The following SPRYD7 variants were observed in gnomAD, a reference collection of about 807,000 sequenced individuals.
SPRYD7 encodes SPRY domain-containing protein 7.
In SPRYD7, 14 loss-of-function variants were observed where a neutral mutation model predicts 23.8. That is an observed-to-expected ratio of 0.59 (90% confidence interval 0.39 to 0.92). The LOEUF is 0.92. SPRYD7 is among the 40% of genes least tolerant of loss of function. The pLI is 0.00. For synonymous variants in SPRYD7, 75 were observed against 84.9 expected (o/e 0.88, Z 0.64); for missense variants, 194 against 241.7 (o/e 0.80, Z 1.31).
intron 1 of SPRYD7, among the ~76,000 whole-genome samples, chr13:49,933,601 CAAAAAAAAAA>C (rs147055694): frequency 3.2e-5 from 3 of 94,604 alleles, no homozygotes; most frequent in Admixed American, 1.2e-4. Context: ...GATTCCCTCT[CAAAAAAAAAA>C]AAAAGAAAAA....
rs1431747390 is a variant in SPRYD7, at chr13:49,914,196, A to G, written c.*867T>C. Reference sequence around the variant, plus strand: ...ATGAAGAGGATTCACTTATCTCTGAACTGAAATAATCACGGGTGATGTGAA... The same window carrying G: ...ATGAAGAGGATTCACTTATCTCTGAGCTGAAATAATCACGGGTGATGTGAA... On this transcript the variant is annotated 3_prime_UTR_variant, in exon 5 of 5. Coordinates refer to ENST00000361840, the MANE Select transcript of SPRYD7 (RefSeq NM_020456.4). 4 of 153,796 alleles carry G rather than the reference A, an allele frequency of 2.6e-5. No individual in the cohort carries two copies. Among genetic ancestry groups the G allele is most frequent in the Non-Finnish European group, 5.9e-5 (4 of 68,052 alleles). The allele number at this position is 153,796 out of a possible 1,614,324, so 9.5% of individuals were successfully genotyped here.
chr13:49,932,589 C>T lies in SPRYD7; in HGVS notation c.107-1455G>A, dbSNP rs547361533. Among the ~76,000 whole-genome samples the T allele has an allele frequency of 5.3e-5, 8 of 152,326 alleles. No individual in the cohort carries two copies. The East Asian group carries it at 1.5e-3, about 29-fold the overall frequency. On this transcript the variant is annotated intron_variant, in intron 1 of 4. Coordinates refer to ENST00000361840, the MANE Select transcript of SPRYD7 (RefSeq NM_020456.4). ...ATACACCAATGCATAACTCCCCATACTTGTGGCCACTACCACCACTTTGCT... is the reference window on the plus strand; with the variant it reads ...ATACACCAATGCATAACTCCCCATATTTGTGGCCACTACCACCACTTTGCT...
intron 4 of SPRYD7, among the ~76,000 whole-genome samples, chr13:49,918,006 A>G (rs1467754395): frequency 6.6e-6 from 1 of 152,238 alleles, no homozygotes; most frequent in African/African-American, 2.4e-5. Flanking sequence ...TTATTGTATA[A>G]TTCTGACATC....
At chr13:49,930,628 A>T (rs1955937407) in intron 2 of SPRYD7, among the ~76,000 whole-genome samples, 1 of 152,172 alleles carries the variant, frequency 6.6e-6, no homozygotes, top group South Asian at 2.1e-4. Flanking sequence ...GATTGACTTT[A>T]ATCCTAAAAT....
At chr13:49,936,042 C>T (rs1335151571) in intron 1 of SPRYD7, 88 bp downstream of exon 1, 7 of 787,230 alleles carry the variant, frequency 8.9e-6, no homozygotes, top group African/African-American at 1.9e-5. Context: ...GGCGGGGCAG[C>T]GTGGGGACCC....
chr13:49,922,939 C>T (rs1481992643), intron 3 of SPRYD7, among the ~76,000 whole-genome samples: 3 of 152,014 alleles, frequency 2.0e-5, no homozygotes, highest in Non-Finnish European at 2.9e-5. Flanking sequence ...CTTAGCAAAG[C>T]CAGGGTTAAC....
intron 1 of SPRYD7, among the ~76,000 whole-genome samples, chr13:49,933,550 T>C (rs889459622): frequency 3.4e-5 from 5 of 146,354 alleles, no homozygotes; most frequent in African/African-American, 1.3e-4. Context: ...TGCAGTGAGC[T>C]GAGATCAGGC....
At chr13:49,927,375 A>G (rs888966047) in intron 3 of SPRYD7, among the ~76,000 whole-genome samples, 14 of 152,074 alleles carry the variant, frequency 9.2e-5, no homozygotes, top group African/African-American at 3.4e-4. Context: ...GTGCGCCTGT[A>G]ATCCTAGCTA....
intron 2 of SPRYD7, among the ~76,000 whole-genome samples, chr13:49,930,551 A>G (rs1185134866): frequency 6.6e-6 from 1 of 152,048 alleles, no homozygotes; most frequent in Non-Finnish European, 1.5e-5. Context: ...ACTGCACTCC[A>G]GCCTGGGTGA....
At chr13:49,918,403 C>CT (rs11436488) in intron 4 of SPRYD7, among the ~76,000 whole-genome samples, 133,451 of 143,238 alleles carry the variant, frequency 0.93, 62,431 homozygotes, top group Middle Eastern at 0.99. Flanking sequence ...TAAATTAGTT[C>CT]TTTTTTTTTT....
At chr13:49,917,520 A>G (rs1205529573) in intron 4 of SPRYD7, among the ~76,000 whole-genome samples, 1 of 152,158 alleles carries the variant, frequency 6.6e-6, no homozygotes, top group Non-Finnish European at 1.5e-5. Flanking sequence ...TTAGGGATGG[A>G]AGACAAAAGA....
Position 49,914,000 on chromosome 13 carries a change from T to C in SPRYD7, c.*1063A>G, listed in dbSNP as rs1310210038. ...CTTTCTAATTCTAACACTCATGTTTTCCTGAACAATGTACTGTTTCTAGTT... is the reference window on the plus strand; with the variant it reads ...CTTTCTAATTCTAACACTCATGTTTCCCTGAACAATGTACTGTTTCTAGTT... On this transcript the variant is annotated 3_prime_UTR_variant, in exon 5 of 5. Transcript: ENST00000361840. The C allele has an allele frequency of 6.5e-5, 10 of 153,310 alleles. No homozygotes were observed. Among genetic ancestry groups the C allele is most frequent in the Non-Finnish European group, 2.9e-5 (2 of 68,052 alleles). 9.5% of individuals were successfully genotyped at this position (153,310 alleles called of 1,614,324 possible). A position where few individuals can be genotyped will look rare whatever the true frequency, so the allele number is the denominator to read the frequency against.
chr13:49,929,058 A>G (rs1319272067), intron 2 of SPRYD7, among the ~76,000 whole-genome samples: 1 of 151,858 alleles, frequency 6.6e-6, no homozygotes, highest in East Asian at 1.9e-4. Context: ...CTGGTCTCAA[A>G]CTCCTGGCCT....
rs1871626070 is a variant in SPRYD7 at position 49,936,240 on chromosome 13, C to A, written c.-5G>T. Reference sequence around the variant, plus strand: ...GCACAACACCGAGGTGGCCATCGCGCAGGGACCACCGACTCCGCCGCCGTC... The same window carrying A: ...GCACAACACCGAGGTGGCCATCGCGAAGGGACCACCGACTCCGCCGCCGTC... On this transcript the variant is annotated 5_prime_UTR_variant, in exon 1 of 5. Coordinates refer to ENST00000361840, the MANE Select transcript of SPRYD7 (RefSeq NM_020456.4). 6 of 1,597,638 alleles carry A rather than the reference C, an allele frequency of 3.8e-6. No homozygotes were observed. Among genetic ancestry groups the A allele is most frequent in the Non-Finnish European group, 5.1e-6 (6 of 1,175,054 alleles).
chr13:49,917,369 C>T (rs1481511141), intron 4 of SPRYD7, among the ~76,000 whole-genome samples: 3 of 152,208 alleles, frequency 2.0e-5, no homozygotes, highest in Non-Finnish European at 4.4e-5. Context: ...TCCCAAAGTG[C>T]TGGGATTACA....
intron 2 of SPRYD7, among the ~76,000 whole-genome samples, chr13:49,928,886 T>C (rs1389040025): frequency 1.3e-5 from 2 of 152,206 alleles, no homozygotes; most frequent in East Asian, 1.9e-4. Flanking sequence ...AGTTTTTACA[T>C]CTACAATGAG....
chr13:49,918,119 G>T (rs1334258634), intron 4 of SPRYD7, among the ~76,000 whole-genome samples: 2 of 152,108 alleles, frequency 1.3e-5, no homozygotes, highest in East Asian at 3.9e-4. Flanking sequence ...GAGTGCAGCG[G>T]CACGATGATC....
At position 49,914,644 on chromosome 13, in the gene SPRYD7, C is replaced by G. The variant is rs1223417238; in HGVS notation, c.*419G>C. The G allele has an allele frequency of 6.6e-6, 1 of 152,550 alleles. No homozygotes were observed. Among genetic ancestry groups the G allele is most frequent in the Non-Finnish European group, 1.5e-5 (1 of 68,046 alleles). The allele number at this position is 152,550 out of a possible 1,614,324, so 9.4% of individuals were successfully genotyped here. ...TTGTTATATTGTATATAAAAAAGGA[C>G]ACTAAGCGGCAAAATTATCCAACTG... On this transcript the variant is annotated 3_prime_UTR_variant, in exon 5 of 5. Transcript: ENST00000361840.
chr13:49,929,766 T>G (rs550781686), intron 2 of SPRYD7, among the ~76,000 whole-genome samples: 2 of 150,652 alleles, frequency 1.3e-5, no homozygotes, highest in African/African-American at 4.9e-5. Context: ...AGTGCTGGGT[T>G]ACAGGCGTGA....
Sources: allele counts gnomAD v4.1 joint callset (sites outside exome capture counted in the v4.1 genomes callset), GRCh38; gene constraint gnomAD v4.1.1; transcripts MANE v1.5; gene names NCBI Gene and HGNC (gene_info 2026-07-23, HGNC 2026-07-21).